PATJ: variants seen among roughly 807,000 people sequenced by gnomAD.
PATJ encodes PATJ crumbs cell polarity complex component, also known as inaD-like protein.
In PATJ, 190 loss-of-function variants were observed where a neutral mutation model predicts 224.9. The ratio of observed to expected loss-of-function variants is 0.84; its 90% CI spans 0.75 to 0.95. The LOEUF (loss-of-function observed/expected upper bound fraction) is 0.95, where lower values mean the gene tolerates loss of function less well. Ranked by LOEUF, PATJ falls within the 40% of genes least tolerant of loss-of-function variation. PATJ has a pLI of 0.00. For synonymous variants in PATJ, 769 were observed against 820.3 expected, an observed-to-expected ratio of 0.94 and a Z score of 1.07; for missense variants, 2,121 against 2,270.3, an observed-to-expected ratio of 0.93 and a Z score of 1.34.
chr1:62,131,658 A>G (rs1350159070), intron 41 of PATJ, among the ~76,000 whole-genome samples: 1 of 151,942 alleles, frequency 6.6e-6, no homozygotes, highest in Non-Finnish European at 1.5e-5. Flanking sequence ...CAAAAAAAAA[A>G]GGCACATAGA....
chr1:61,904,095 C>T (rs1245481200), intron 24 of PATJ, among the ~76,000 whole-genome samples: 1 of 152,028 alleles, frequency 6.6e-6, no homozygotes, highest in African/African-American at 2.4e-5. Context: ...TTTTTCATTC[C>T]TTCTTTTCCA....
At position 62,116,595 on chromosome 1, in the gene PATJ, A is replaced by G. The variant is rs766415966; in HGVS notation, c.4719A>G (p.Arg1573=). The change falls in exon 36 of 44, where the codon AGA becomes AGG. Residue 1573 remains arginine (R), a synonymous_variant. Transcript: ENST00000642238. The stretch of plus-strand genomic sequence containing the variant: ...GCGGAGCCGCAGACCTGGATGGGAG[A>G]TTGATTCAGGGAGATCAGATCTTAT... ...VKGGAADLDG[R]LIQGDQILSV... is the part of the protein sequence containing the mutation. 10 of 1,613,974 alleles carry G rather than the reference A, an allele frequency of 6.2e-6. No homozygotes were observed. The highest frequency in any genetic ancestry group is 8.5e-6 in the Non-Finnish European group (10 of 1,179,914).
intron 31 of PATJ, among the ~76,000 whole-genome samples, chr1:62,058,502 T>A (rs929890529): frequency 6.6e-6 from 1 of 152,202 alleles, no homozygotes; most frequent in Non-Finnish European, 1.5e-5. Context: ...GGCTCTGAAG[T>A]CTGAACAGAC....
At chr1:62,068,268 A>G (rs939566957) in intron 31 of PATJ, among the ~76,000 whole-genome samples, 1 of 152,184 alleles carries the variant, frequency 6.6e-6, no homozygotes, top group Non-Finnish European at 1.5e-5. Flanking sequence ...TCTCAATTTG[A>G]CATTACTTAG....
intron 24 of PATJ, among the ~76,000 whole-genome samples, chr1:61,903,367 G>T (rs575214323): frequency 9.9e-5 from 15 of 152,224 alleles, no homozygotes; most frequent in African/African-American, 3.4e-4. Flanking sequence ...TCAGCTTGAG[G>T]AATCGAAGAT....
At chr1:61,854,346 A>G (rs1004462065) in intron 17 of PATJ, among the ~76,000 whole-genome samples, 2 of 152,198 alleles carry the variant, frequency 1.3e-5, no homozygotes, top group African/African-American at 4.8e-5. Flanking sequence ...AGAGAAACCA[A>G]CGTGAATGCT....
At chr1:61,743,660 C>T (rs2148115410) in intron 1 of PATJ, among the ~76,000 whole-genome samples, 1 of 152,170 alleles carries the variant, frequency 6.6e-6, no homozygotes, top group East Asian at 1.9e-4. Context: ...GCAGGGGCAG[C>T]GGTTAAAAAC....
chr1:62,163,412 T>G lies in PATJ; in HGVS notation c.*2358T>G, dbSNP rs1314258850. ...ATGAAACCCAAATAAAACTTGAAAA[T>G]GCACCTTAAAAATATATATACATAT... On this transcript the variant is annotated 3_prime_UTR_variant, in exon 44 of 44. Coordinates refer to ENST00000642238, the MANE Select transcript of PATJ (RefSeq NM_001350145.3). 6.6e-6 allele frequency: 1 copy of G among 152,554 alleles called. No homozygotes were observed. Among genetic ancestry groups the G allele is most frequent in the Non-Finnish European group, 1.5e-5 (1 of 68,012 alleles). The allele number at this position is 152,554 out of a possible 1,614,324, so 9.5% of individuals were successfully genotyped here.
intron 30 of PATJ, among the ~76,000 whole-genome samples, chr1:62,042,093 C>T (rs1403534403): frequency 6.6e-6 from 1 of 152,110 alleles, no homozygotes; most frequent in African/African-American, 2.4e-5. Context: ...GTTTCAAGAA[C>T]ATTATCACGT....
intron 28 of PATJ, among the ~76,000 whole-genome samples, chr1:62,001,421 T>C (rs1180667331): frequency 1.7e-4 from 26 of 148,588 alleles, no homozygotes; most frequent in Admixed American, 1.7e-3. Context: ...TAGCCAGTTT[T>C]CCCAGCACCA....
In PATJ at chr1:61,856,011, T is replaced by C; in HGVS notation, c.2113-19T>C. ...TTTTCAGTGCATGGACTCATCCTTC[T>C]TCTTTGCTCGATTCACAGGACCCTT... is the stretch of plus-strand genomic sequence containing the variant. On this transcript the variant is annotated intron_variant, in intron 17 of 43. Transcript: ENST00000642238. The C allele has an allele frequency of 6.3e-7, 1 of 1,598,882 alleles. No homozygotes were observed. The highest frequency in any genetic ancestry group is 8.6e-7 in the Non-Finnish European group (1 of 1,166,264).
chr1:61,857,599 C>T (rs535137326), intron 18 of PATJ, among the ~76,000 whole-genome samples: 2 of 152,280 alleles, frequency 1.3e-5, no homozygotes, highest in Non-Finnish European at 2.9e-5. Flanking sequence ...TGGGCTCTGC[C>T]CCCTGGCTTT....
At chr1:61,964,142 C>T (rs1571539419) in intron 27 of PATJ, among the ~76,000 whole-genome samples, 1 of 150,464 alleles carries the variant, frequency 6.6e-6, no homozygotes, top group Non-Finnish European at 1.5e-5. Context: ...AGTACAGTGG[C>T]ATGATCTCAG....
intron 22 of PATJ, among the ~76,000 whole-genome samples, chr1:61,895,552 A>G (rs1478450723): frequency 6.6e-6 from 1 of 152,208 alleles, no homozygotes; most frequent in African/African-American, 2.4e-5. Flanking sequence ...GGTGGCATCC[A>G]TGTGGTGTTG....
At chr1:61,816,960 T>C (rs1557697417) in intron 14 of PATJ, among the ~76,000 whole-genome samples, 2 of 152,206 alleles carry the variant, frequency 1.3e-5, no homozygotes, top group African/African-American at 4.8e-5. Flanking sequence ...GGAATTTTGA[T>C]TCCTTTCTTG....
At chr1:62,064,660 T>G (rs534350805) in intron 31 of PATJ, among the ~76,000 whole-genome samples, 1 of 152,332 alleles carries the variant, frequency 6.6e-6, no homozygotes, top group East Asian at 1.9e-4. Flanking sequence ...GGTATCCAAG[T>G]ATGAAAAAAC....
rs866980827 is a variant in PATJ at position 61,884,502 on chromosome 1, C to T, written c.3131+94C>T. 19 of 821,276 alleles carry T rather than the reference C, an allele frequency of 2.3e-5. 2 individuals are homozygous for T. In the Middle Eastern group the frequency reaches 2.8e-3, roughly 121 times the overall value. The allele number at this position is 821,276 out of a possible 1,614,324, so 50.9% of individuals were successfully genotyped here. The stretch of plus-strand genomic sequence containing the variant: ...TAAAAAATGCGTGATTTTGGTAGAA[C>T]GTTTGGAAAATACAGAAAAATATTA... On this transcript the variant is annotated intron_variant, in intron 22 of 43. Coordinates refer to ENST00000642238, the MANE Select transcript of PATJ (RefSeq NM_001350145.3).
At chr1:61,811,240 T>C (rs1019776086) in intron 14 of PATJ, among the ~76,000 whole-genome samples, 9 of 152,256 alleles carry the variant, frequency 5.9e-5, no homozygotes, top group Admixed American at 1.3e-4. Context: ...TAGGCTCTTG[T>C]TTTTTGAGAC....
chr1:62,139,264 G>C (rs928383227), intron 41 of PATJ, among the ~76,000 whole-genome samples: 1 of 151,942 alleles, frequency 6.6e-6, no homozygotes, highest in Non-Finnish European at 1.5e-5. Flanking sequence ...AGCCGGGCGT[G>C]GTGGCGGGCG....
Sources: gnomAD v4.1 joint callset for allele counts (sites outside exome capture counted in the v4.1 genomes callset) on GRCh38, gnomAD v4.1.1 for gene constraint, MANE v1.5 for transcripts, NCBI Gene and HGNC (gene_info 2026-07-23, HGNC 2026-07-21) for gene names.